HNRNPM: variants seen among roughly 807,000 people sequenced by gnomAD.
The protein encoded by HNRNPM is CEA receptor.
A neutral mutation model predicts 73.1 loss-of-function variants in HNRNPM; 11 were observed. The observed-to-expected ratio is 0.15, with a 90% CI of 0.09 to 0.25. The LOEUF (loss-of-function observed/expected upper bound fraction) is 0.25, where lower values mean the gene tolerates loss of function less well. Among genes scored for constraint, HNRNPM ranks in the 10% least tolerant of loss-of-function variants. HNRNPM has a pLI of 1.00. For synonymous variants in HNRNPM, 407 were observed against 355.2 expected (o/e 1.15, Z -1.64); for missense variants, 789 against 1,067.9 (o/e 0.74, Z 3.64).
chr19:8,447,321 C>A (rs554767516), intron 1 of HNRNPM, among the ~76,000 whole-genome samples: 7 of 146,062 alleles, frequency 4.8e-5, no homozygotes, highest in Admixed American at 4.2e-4. Context: ...TATACTTTTG[C>A]ACTCCATGCA....
intron 1 of HNRNPM, among the ~76,000 whole-genome samples, chr19:8,445,782 G>T (rs1318769518): frequency 1.4e-4 from 22 of 152,260 alleles, no homozygotes; most frequent in Non-Finnish European, 1.5e-5. Context: ...CGGGTGCGCC[G>T]CAGGTATTAG....
intron 7 of HNRNPM, among the ~76,000 whole-genome samples, chr19:8,466,726 T>G (rs904694053): frequency 6.9e-6 from 1 of 144,454 alleles, no homozygotes; most frequent in Non-Finnish European, 1.5e-5. Context: ...CTCGGGAGGC[T>G]GAGGCACAAG....
In HNRNPM at chr19:8,485,703, C is replaced by T. The variant is rs1045630942; in HGVS notation, c.1275C>T (p.His425=). The change falls in exon 14 of 16, where the codon CAC becomes CAT. Residue 425 remains histidine (H), a synonymous_variant. Transcript: ENST00000325495. ...GMERMGAGLG[H]GMDRVGSEIE... ...AGCGCATGGGCGCGGGCCTGGGCCA[C>T]GGCATGGATCGCGTGGGCTCCGAGA... 11 of 1,607,076 alleles carry T rather than the reference C, an allele frequency of 6.8e-6. No individual in the cohort carries two copies. The highest frequency in any genetic ancestry group is 1.7e-4 in the Middle Eastern group (1 of 6,054).
chr19:8,487,400 A>C, intron 15 of HNRNPM: 1 of 333,842 alleles, frequency 3.0e-6, no homozygotes, highest in Non-Finnish European at 5.8e-6. Context: ...GGCTAAATAA[A>C]TACATCCCAG....
At chr19:8,461,103 G>A (rs79031128) in intron 2 of HNRNPM, among the ~76,000 whole-genome samples, 6,110 of 152,216 alleles carry the variant, frequency 0.04, 270 homozygotes, top group African/African-American at 0.11. Flanking sequence ...TCTTTGCACT[G>A]ATGATTCTCC....
At chr19:8,471,295 A>G in intron 9 of HNRNPM, 31 bp from the exon 10 acceptor site, 1 of 1,415,928 alleles carries the variant, frequency 7.1e-7, no homozygotes, top group East Asian at 2.5e-5. Context: ...TAAATAGGGG[A>G]AAACTAAGCT....
chr19:8,468,668 A>G (rs892712562), intron 8 of HNRNPM, 106 bp from the exon 9 acceptor site: 12 of 797,304 alleles, frequency 1.5e-5, no homozygotes, highest in Non-Finnish European at 2.6e-5. Flanking sequence ...GGCGTGGATA[A>G]TGTGTTTAGC....
At chr19:8,485,169 C>T (rs928479399) in intron 13 of HNRNPM, among the ~76,000 whole-genome samples, 1 of 152,054 alleles carries the variant, frequency 6.6e-6, no homozygotes, top group African/African-American at 2.4e-5. Flanking sequence ...GTGGGAGTGA[C>T]TCCGACTTGT....
chr19:8,479,771 AATTT>A (rs1406425015), intron 12 of HNRNPM, among the ~76,000 whole-genome samples: 37 of 75,768 alleles, frequency 4.9e-4, no homozygotes, highest in East Asian at 2.7e-3. Flanking sequence ...AAAAAAAAAA[AATTT>A]TTTTTTTTTT....
chr19:8,450,558 T>C (rs1000732665), intron 1 of HNRNPM, among the ~76,000 whole-genome samples: 1 of 151,922 alleles, frequency 6.6e-6, no homozygotes, highest in Admixed American at 6.6e-5. Context: ...CACAGGCACA[T>C]GGTACCATGC....
At chr19:8,454,056 G>A (rs1259940649) in intron 1 of HNRNPM, among the ~76,000 whole-genome samples, 1 of 152,014 alleles carries the variant, frequency 6.6e-6, no homozygotes, top group African/African-American at 2.4e-5. Context: ...TGTGTAGGGA[G>A]TGGTTTCTTT....
intron 2 of HNRNPM, among the ~76,000 whole-genome samples, 159 bp downstream of exon 2, chr19:8,455,733 T>G (rs1263235678): frequency 5.4e-5 from 8 of 148,090 alleles, no homozygotes; most frequent in East Asian, 2.1e-4. Context: ...CAGTTTTTTT[T>G]TTTTGTTTTG....
intron 10 of HNRNPM, among the ~76,000 whole-genome samples, chr19:8,472,650 C>T (rs987607464): frequency 3.9e-5 from 6 of 152,326 alleles, no homozygotes; most frequent in East Asian, 1.9e-4. Flanking sequence ...TCAATCTCAG[C>T]TTACCGCACT....
At chr19:8,461,384 G>A (rs1018850342) in intron 2 of HNRNPM, among the ~76,000 whole-genome samples, 2 of 152,132 alleles carry the variant, frequency 1.3e-5, no homozygotes, top group Admixed American at 6.6e-5. Context: ...GCCGTTAAGC[G>A]GGTTATTTTT....
At chr19:8,455,725 G>GTTTTTTTTTTTTTTTTTGTTTTTT (rs375350473) in intron 2 of HNRNPM, 151 bp downstream of exon 2, 1 of 362,582 alleles carries the variant, frequency 2.8e-6, no homozygotes. Flanking sequence ...CCCCACCTCA[G>GTTTTTTTTTTTTTTTTTGTTTTTT]TTTTTTTTTT....
At position 8,445,067 on chromosome 19, in the gene HNRNPM, C is replaced by T. The variant is rs373771781; in HGVS notation, c.69C>T (p.Gly23=). The T allele has an allele frequency of 6.8e-4, 972 of 1,422,342 alleles. No homozygotes were observed. Among genetic ancestry groups the T allele is most frequent in the Non-Finnish European group, 8.6e-4 (936 of 1,089,804 alleles). The allele number at this position is 1,422,342 out of a possible 1,614,324, so 88.1% of individuals were successfully genotyped here. A position where few individuals can be genotyped will look rare whatever the true frequency, so the allele number is the denominator to read the frequency against. ...ATEIKMEEES[G]APGVPSGNGA... Reference sequence around the variant, plus strand: ...AGATCAAAATGGAGGAAGAGAGCGGCGCGCCCGGCGTGCCGAGCGGCAACG... The same window carrying T: ...AGATCAAAATGGAGGAAGAGAGCGGTGCGCCCGGCGTGCCGAGCGGCAACG... The change falls in exon 1 of 16, where the codon GGC becomes GGT. Residue 23 remains glycine (G), a synonymous_variant. Coordinates refer to ENST00000325495, the MANE Select transcript of HNRNPM (RefSeq NM_005968.5).
intron 12 of HNRNPM, among the ~76,000 whole-genome samples, chr19:8,477,639 T>C (rs1970601662): frequency 7.1e-6 from 1 of 140,694 alleles, no homozygotes; most frequent in East Asian, 2.0e-4. Flanking sequence ...GAGCTTGGGT[T>C]GACAGAGTGA....
chr19:8,451,144 T>C (rs1331708906), intron 1 of HNRNPM, among the ~76,000 whole-genome samples: 1 of 152,042 alleles, frequency 6.6e-6, no homozygotes, highest in Admixed American at 6.6e-5. Context: ...TGACCTAAGA[T>C]AATCCACCTG....
chr19:8,462,616 C>T lies in HNRNPM; in HGVS notation c.336+35C>T, dbSNP rs1224308646. The stretch of plus-strand genomic sequence containing the variant: ...TGAGAGAATTTCTTCTGTGGATTTA[C>T]TACATGAAAAATGTAACTGTATGGT... On this transcript the variant is annotated intron_variant, in intron 3 of 15. Transcript: ENST00000325495. The surrounding 1 kb of genome is among the most constrained non-coding windows in gnomAD (Gnocchi z 4.5). The T allele has an allele frequency of 1.3e-6, 2 of 1,548,590 alleles. No homozygotes were observed. The highest frequency in any genetic ancestry group is 1.8e-6 in the Non-Finnish European group (2 of 1,120,382).
Sources: allele counts gnomAD v4.1 joint callset (sites outside exome capture counted in the v4.1 genomes callset), GRCh38; gene constraint gnomAD v4.1.1; non-coding constraint Gnocchi (gnomAD v3.1); transcripts MANE v1.5; gene names NCBI Gene and HGNC (gene_info 2026-07-23, HGNC 2026-07-21).